Variants in CLVS1 observed in about 807,000 individuals in gnomAD.
CLVS1 encodes the protein clavesin-1.
A neutral mutation model predicts 33.1 loss-of-function variants in CLVS1; 10 were observed. The observed-to-expected ratio is 0.30, with a 90% CI of 0.19 to 0.51. CLVS1 has a LOEUF of 0.51. Among genes scored for constraint, CLVS1 ranks in the 20% least tolerant of loss-of-function variants. The pLI is 0.97. For synonymous variants in CLVS1, 163 were observed against 166.1 expected (o/e 0.98, Z 0.14); for missense variants, 343 against 433.4 (o/e 0.79, Z 1.85).
intron 2 of CLVS1, among the ~76,000 whole-genome samples, chr8:61,170,901 T>C (rs1257266270): frequency 6.6e-6 from 1 of 152,148 alleles, no homozygotes; most frequent in Non-Finnish European, 1.5e-5. Context: ...GAAAATACAG[T>C]GTTTTTGAAA....
intron 3 of CLVS1, chr8:61,390,856 G>C (rs1433039409): frequency 6.6e-6 from 1 of 151,884 alleles, no homozygotes; most frequent in South Asian, 2.1e-4. Flanking sequence ...TATTTTTGCT[G>C]TTCTTTTTAA....
chr8:61,006,427 T>C, the CLVS1 span, among the ~76,000 whole-genome samples: 1 of 152,144 alleles, frequency 6.6e-6, no homozygotes, highest in African/African-American at 2.4e-5. Flanking sequence ...CCAGATCAGA[T>C]GGCCCGAGGA....
chr8:61,273,772 C>A (rs903533379), intron 2 of CLVS1: 3 of 154,556 alleles, frequency 1.9e-5, no homozygotes, highest in Admixed American at 6.5e-5. Flanking sequence ...TGCCCATCAC[C>A]CCTTTCTTTG....
chr8:61,156,555 A>G (rs1278001709), intron 2 of CLVS1, among the ~76,000 whole-genome samples: 1 of 152,210 alleles, frequency 6.6e-6, no homozygotes, highest in Non-Finnish European at 1.5e-5. Flanking sequence ...GAGGATGTGT[A>G]TCTGTGTGTT....
intron 5 of CLVS1, among the ~76,000 whole-genome samples, chr8:61,484,343 A>G (rs1375965133): frequency 2.0e-5 from 3 of 152,236 alleles, no homozygotes; most frequent in African/African-American, 7.2e-5. Flanking sequence ...CCCATTCACA[A>G]TTGCTTCAAA....
chr8:61,493,703 A>G (rs1157525193), intron 5 of CLVS1, among the ~76,000 whole-genome samples: 4 of 152,252 alleles, frequency 2.6e-5, no homozygotes, highest in Admixed American at 2.6e-4. Flanking sequence ...CTTCCTGTTT[A>G]GAAGCCTTTA....
At chr8:61,255,434 G>C (rs1380151362) in intron 2 of CLVS1, among the ~76,000 whole-genome samples, 2 of 152,176 alleles carry the variant, frequency 1.3e-5, no homozygotes, top group African/African-American at 4.8e-5. Flanking sequence ...GTTATAGCAG[G>C]AAACACTACA....
At chr8:61,115,441 A>G (rs888009868) in intron 1 of CLVS1, among the ~76,000 whole-genome samples, 2 of 151,904 alleles carry the variant, frequency 1.3e-5, no homozygotes, top group Non-Finnish European at 2.9e-5. Context: ...TTAGTTACAT[A>G]TGTATACAAG....
At chr8:61,007,348 C>A in the CLVS1 span, among the ~76,000 whole-genome samples, 3,651 of 152,184 alleles carry the variant, frequency 0.024, 73 homozygotes, top group Middle Eastern at 0.041. Context: ...TGTTACTGAA[C>A]CATGGAAGAG....
chr8:60,991,193 G>T, the CLVS1 span, among the ~76,000 whole-genome samples: 1 of 152,226 alleles, frequency 6.6e-6, no homozygotes, highest in East Asian at 1.9e-4. Context: ...ATGCAAAATA[G>T]TCAAGAGCTA....
At chr8:61,374,914 TAAG>T (rs1813580445) in intron 2 of CLVS1, among the ~76,000 whole-genome samples, 2 of 152,184 alleles carry the variant, frequency 1.3e-5, no homozygotes, top group Non-Finnish European at 2.9e-5. Flanking sequence ...TGATTTTTAG[TAAG>T]AAGAACTATA....
chr8:61,246,264 G>A (rs1204091503), intron 2 of CLVS1, among the ~76,000 whole-genome samples: 1 of 131,752 alleles, frequency 7.6e-6, no homozygotes, highest in Non-Finnish European at 1.5e-5. Context: ...CTGCCTCCCA[G>A]GTTCAAGCGA....
At chr8:61,007,460 C>T in the CLVS1 span, among the ~76,000 whole-genome samples, 1 of 152,180 alleles carries the variant, frequency 6.6e-6, no homozygotes, top group Non-Finnish European at 1.5e-5. Context: ...ACTAAAGTCA[C>T]TATCGTTAGT....
At chr8:61,234,270 T>C (rs1023858411) in intron 2 of CLVS1, among the ~76,000 whole-genome samples, 1 of 152,200 alleles carries the variant, frequency 6.6e-6, no homozygotes, top group Non-Finnish European at 1.5e-5. Flanking sequence ...TGCGTATTCA[T>C]GTGAGAGAAA....
intron 4 of CLVS1, among the ~76,000 whole-genome samples, chr8:61,457,088 C>G (rs905358447): frequency 8.6e-5 from 13 of 151,768 alleles, no homozygotes; most frequent in African/African-American, 3.1e-4. Flanking sequence ...CAGGCGTGCC[C>G]CACCATGCCC....
chr8:61,131,603 G>T (rs754188416), intron 1 of CLVS1, among the ~76,000 whole-genome samples: 8 of 151,932 alleles, frequency 5.3e-5, no homozygotes, highest in Non-Finnish European at 1.0e-4. Context: ...TTTGTTGCTG[G>T]CAGAGAAGAA....
chr8:61,203,756 C>T (rs1465605116), intron 2 of CLVS1, among the ~76,000 whole-genome samples: 2 of 152,162 alleles, frequency 1.3e-5, no homozygotes, highest in African/African-American at 4.8e-5. Context: ...GCTTCTCTTG[C>T]TTTCTGAACA....
chr8:61,427,266 C>G (rs1202947895), intron 3 of CLVS1, among the ~76,000 whole-genome samples: 1 of 152,190 alleles, frequency 6.6e-6, no homozygotes, highest in Non-Finnish European at 1.5e-5. Context: ...GTTCCCACAT[C>G]TCTCCCCATA....
At chr8:61,308,865 T>A (rs1381689336) in intron 2 of CLVS1, among the ~76,000 whole-genome samples, 1 of 152,212 alleles carries the variant, frequency 6.6e-6, no homozygotes, top group Non-Finnish European at 1.5e-5. Context: ...ACATAAGGAC[T>A]ATGCTTTCCC....
Sources: allele counts gnomAD v4.1 joint callset (sites outside exome capture counted in the v4.1 genomes callset), GRCh38; gene constraint gnomAD v4.1.1; transcripts MANE v1.5; gene names NCBI Gene and HGNC (gene_info 2026-07-23, HGNC 2026-07-21).